Variants in CNTLN observed in about 807,000 individuals in gnomAD.
CNTLN encodes centlein, centrosomal protein.
In CNTLN, 212 loss-of-function variants were observed where a neutral mutation model predicts 180.0. That is an observed-to-expected ratio of 1.18 (90% confidence interval 1.05 to 1.32). The LOEUF (loss-of-function observed/expected upper bound fraction) is 1.32, where lower values mean the gene tolerates loss of function less well. CNTLN is among the 40% of genes most tolerant of loss of function. CNTLN has a pLI of 0.00. For synonymous variants in CNTLN, 722 were observed against 563.1 expected (o/e 1.28, Z -3.99); for missense variants, 2,095 against 1,610.9 (o/e 1.30, Z -5.14).
chr9:17,319,884 T>C (rs1421134776), intron 8 of CNTLN, among the ~76,000 whole-genome samples: 1 of 152,194 alleles, frequency 6.6e-6, no homozygotes, highest in Non-Finnish European at 1.5e-5. Context: ...GTCTTTGCCA[T>C]AGAAAAGGGC....
chr9:17,298,407 A>G (rs1818105494), intron 7 of CNTLN, 55 bp downstream of exon 7: 2 of 1,380,360 alleles, frequency 1.4e-6, no homozygotes, highest in South Asian at 2.0e-5. Context: ...ACTTATGAAC[A>G]TATATAGAAT....
intron 12 of CNTLN, among the ~76,000 whole-genome samples, chr9:17,355,669 A>G (rs1822778800): frequency 6.6e-6 from 1 of 152,222 alleles, no homozygotes; most frequent in Non-Finnish European, 1.5e-5. Flanking sequence ...CAGTTATCCC[A>G]AATAATAATT....
chr9:17,379,525 C>T (rs1316441269), intron 13 of CNTLN, among the ~76,000 whole-genome samples: 2 of 152,148 alleles, frequency 1.3e-5, no homozygotes, highest in African/African-American at 2.4e-5. Context: ...TCTCTGTAAG[C>T]AGTAAGCTGG....
intron 18 of CNTLN, among the ~76,000 whole-genome samples, chr9:17,418,659 CT>C (rs1390661304): frequency 6.6e-6 from 1 of 151,900 alleles, no homozygotes; most frequent in African/African-American, 2.4e-5. Context: ...TATTTTATAT[CT>C]GTATCTTGTG....
the CNTLN span, among the ~76,000 whole-genome samples, chr9:17,521,272 A>AGAGAGAGAGAG: frequency 2.0e-5 from 3 of 148,820 alleles, no homozygotes; most frequent in African/African-American, 7.4e-5. Flanking sequence ...AAAAAGAGAG[A>AGAGAGAGAGAG]GAGAGAGAGA....
In CNTLN at chr9:17,429,295, A is replaced by G. The variant is rs144590870; in HGVS notation, c.3114+13106A>G. 4.6e-3 allele frequency among the ~76,000 whole-genome samples: 693 copies of G among 152,150 alleles called. 2 individuals are homozygous for G. Among genetic ancestry groups the G allele is most frequent in the Non-Finnish European group, 6.5e-3 (441 of 67,898 alleles). ...AGAAGTTCCTGGAGACTTCTTAGCTATAACAGAAGTTCCCCGTGATAGATT... is the reference window on the plus strand; with the variant it reads ...AGAAGTTCCTGGAGACTTCTTAGCTGTAACAGAAGTTCCCCGTGATAGATT... On this transcript the variant is annotated intron_variant, in intron 18 of 25. Transcript: ENST00000380647.
chr9:17,340,592 T>A (rs1398771171), intron 10 of CNTLN, among the ~76,000 whole-genome samples: 1 of 152,162 alleles, frequency 6.6e-6, no homozygotes, highest in Non-Finnish European at 1.5e-5. Context: ...AATGGTAAAA[T>A]TTTGAAATTA....
At chr9:17,396,425 G>A (rs749412792) in intron 15 of CNTLN, among the ~76,000 whole-genome samples, 1 of 152,206 alleles carries the variant, frequency 6.6e-6, no homozygotes, top group Non-Finnish European at 1.5e-5. Context: ...GAAGTTCAGT[G>A]TTGCCATAAT....
At chr9:17,252,538 ATCT>A in intron 5 of CNTLN, among the ~76,000 whole-genome samples, 2 of 151,734 alleles carry the variant, frequency 1.3e-5, no homozygotes, top group East Asian at 3.9e-4. Flanking sequence ...CCATGTGTAT[ATCT>A]TCTTTTGAGA....
At chr9:17,374,214 A>T (rs1188105121) in intron 13 of CNTLN, among the ~76,000 whole-genome samples, 1 of 152,088 alleles carries the variant, frequency 6.6e-6, no homozygotes, top group African/African-American at 2.4e-5. Context: ...CAAACTACCC[A>T]TCTAACAGGG....
chr9:17,375,707 C>A (rs766253386), intron 13 of CNTLN, among the ~76,000 whole-genome samples: 1 of 151,918 alleles, frequency 6.6e-6, no homozygotes, highest in Non-Finnish European at 1.5e-5. Flanking sequence ...TAGTTCGTAT[C>A]TTTTTTCCTG....
intron 3 of CNTLN, among the ~76,000 whole-genome samples, chr9:17,232,269 CTA>C (rs1275695882): frequency 1.3e-5 from 2 of 151,900 alleles, no homozygotes; most frequent in African/African-American, 2.4e-5. Flanking sequence ...ATATAAGTAA[CTA>C]TATTATGCAA....
intron 14 of CNTLN, among the ~76,000 whole-genome samples, chr9:17,393,813 G>T (rs113589634): frequency 5.3e-5 from 8 of 152,112 alleles, no homozygotes; most frequent in African/African-American, 1.9e-4. Flanking sequence ...ATGATACTTA[G>T]ATTATATCCT....
chr9:17,141,475 T>A (rs887260164), intron 1 of CNTLN, among the ~76,000 whole-genome samples: 3 of 151,976 alleles, frequency 2.0e-5, no homozygotes, highest in Non-Finnish European at 4.4e-5. Flanking sequence ...GTAGAGCAAG[T>A]AGAGTAAGAA....
the CNTLN span, among the ~76,000 whole-genome samples, chr9:17,528,622 G>T: frequency 6.6e-6 from 1 of 152,168 alleles, no homozygotes; most frequent in Non-Finnish European, 1.5e-5. Context: ...ATGGATGTTG[G>T]TTAATAAAAA....
At chr9:17,453,754 G>T in intron 18 of CNTLN, among the ~76,000 whole-genome samples, 1 of 152,166 alleles carries the variant, frequency 6.6e-6, no homozygotes, top group East Asian at 1.9e-4. Flanking sequence ...CTGGCTAAGA[G>T]CCAAGGATCA....
Position 17,211,930 on chromosome 9 carries a change from G to C in CNTLN, c.450-14273G>C, listed in dbSNP as rs185439835. On this transcript the variant is annotated intron_variant, in intron 2 of 25. Coordinates refer to ENST00000380647, the MANE Select transcript of CNTLN (RefSeq NM_017738.4). Reference sequence around the variant, plus strand: ...TGTATCCTGAGACTTTGCTCAAGTTGCTTATCAGCTTAAGGAGATTGGGGC... The same window carrying C: ...TGTATCCTGAGACTTTGCTCAAGTTCCTTATCAGCTTAAGGAGATTGGGGC... 2.0e-5 allele frequency among the ~76,000 whole-genome samples: 3 copies of C among 152,286 alleles called. No individual in the cohort carries two copies. In the East Asian group the frequency reaches 5.8e-4, roughly 29 times the overall value.
chr9:17,213,839 G>T (rs1050541928), intron 2 of CNTLN, among the ~76,000 whole-genome samples: 1 of 152,064 alleles, frequency 6.6e-6, no homozygotes, highest in Admixed American at 6.6e-5. Flanking sequence ...GATCTTTGTT[G>T]ATTTAAAGTC....
chr9:17,379,732 C>A (rs1825072317), intron 13 of CNTLN, among the ~76,000 whole-genome samples: 2 of 152,230 alleles, frequency 1.3e-5, no homozygotes, highest in South Asian at 4.2e-4. Flanking sequence ...AAACTTTTTC[C>A]ATGTTCCAAA....
Sources: allele counts gnomAD v4.1 joint callset (sites outside exome capture counted in the v4.1 genomes callset), GRCh38; gene constraint gnomAD v4.1.1; transcripts MANE v1.5; gene names NCBI Gene and HGNC (gene_info 2026-07-23, HGNC 2026-07-21).